Variants in TMEM87A observed in about 807,000 individuals in gnomAD.
TMEM87A encodes Golgi-pH regulating cation channel.
Under a neutral mutation model 90.0 loss-of-function variants are expected in TMEM87A, and 50 were observed. The observed-to-expected ratio is 0.56, with a 90% CI of 0.44 to 0.70. The LOEUF is 0.70. TMEM87A is among the 30% of genes least tolerant of loss of function. TMEM87A has a pLI of 0.00. For synonymous variants in TMEM87A, 226 were observed against 226.7 expected (o/e 1.00, Z 0.03); for missense variants, 577 against 660.5 (o/e 0.87, Z 1.39).
intron 19 of TMEM87A, among the ~76,000 whole-genome samples, chr15:42,215,233 C>T (rs1306257659): frequency 2.0e-5 from 3 of 152,214 alleles, no homozygotes; most frequent in African/African-American, 4.8e-5. Context: ...GGTGCGGTGG[C>T]TCACGCCTGT....
intron 3 of TMEM87A, among the ~76,000 whole-genome samples, chr15:42,265,675 T>G (rs1337068605): frequency 6.6e-6 from 1 of 152,208 alleles, no homozygotes; most frequent in Non-Finnish European, 1.5e-5. Context: ...GATAGTTTCT[T>G]TTGCTGTGCA....
At chr15:42,237,354 G>T in intron 9 of TMEM87A, 78 bp downstream of exon 9, 1 of 1,420,492 alleles carries the variant, frequency 7.0e-7, no homozygotes, top group South Asian at 1.3e-5. Context: ...CCTATGTAGT[G>T]ACTGCTGACC....
chr15:42,218,256 T>G, intron 18 of TMEM87A, 67 bp downstream of exon 18: 2 of 1,506,714 alleles, frequency 1.3e-6, no homozygotes, highest in South Asian at 1.1e-5. Flanking sequence ...ACTTGCTCAT[T>G]TAAAATAATA....
chr15:42,249,277 G>A (rs2051040133), intron 6 of TMEM87A, among the ~76,000 whole-genome samples: 1 of 152,050 alleles, frequency 6.6e-6, no homozygotes, highest in Non-Finnish European at 1.5e-5. Flanking sequence ...GTGTCTCTAT[G>A]TCCATCAGTT....
chr15:42,218,282 C>T (rs756474897), intron 18 of TMEM87A, 41 bp downstream of exon 18: 2 of 1,602,410 alleles, frequency 1.2e-6, no homozygotes, highest in South Asian at 2.2e-5. Flanking sequence ...GTAGTACTAA[C>T]TTTGAAATAG....
chr15:42,244,002 G>T, intron 7 of TMEM87A, 48 bp downstream of exon 7: 1 of 1,135,880 alleles, frequency 8.8e-7, no homozygotes. Flanking sequence ...GTACATGAAT[G>T]ACATAACCAG....
intron 19 of TMEM87A, among the ~76,000 whole-genome samples, chr15:42,216,165 T>G (rs995954795): frequency 2.6e-5 from 4 of 152,224 alleles, no homozygotes. Context: ...ATTCCACTTA[T>G]ATGAGTTATC....
rs745373740 is a variant in TMEM87A, at chr15:42,264,194, C to T, written c.301G>A (p.Val101Ile). The T allele has an allele frequency of 4.3e-6, 7 of 1,610,850 alleles. No homozygotes were observed. In the South Asian group the frequency reaches 7.7e-5, roughly 18 times the overall value. The change falls in exon 4 of 20, where the codon GTA becomes ATA. Residue 101 changes from valine to isoleucine, a missense_variant. Val to Ile is a conservative substitution (Grantham distance 29). Transcript: ENST00000389834. ...TTAAGTTTTTCCAAATACAACTCTACTTCTTCTGCCTGGAAAAAGAGATAA... is the reference window on the plus strand; with the variant it reads ...TTAAGTTTTTCCAAATACAACTCTATTTCTTCTGCCTGGAAAAAGAGATAA... ...NEIYNFKAEEVELYLEKLKEK... is the reference protein window; with the variant it reads ...NEIYNFKAEEIELYLEKLKEK...
At chr15:42,231,077 C>A in intron 12 of TMEM87A, 115 bp downstream of exon 12, 2 of 922,896 alleles carry the variant, frequency 2.2e-6, no homozygotes, top group East Asian at 5.7e-5. Context: ...GCACTGTTCC[C>A]CACACTAAGG....
intron 6 of TMEM87A, 120 bp downstream of exon 6, chr15:42,260,838 G>T: frequency 9.1e-7 from 1 of 1,096,592 alleles, no homozygotes; most frequent in Non-Finnish European, 1.3e-6. Flanking sequence ...TTGGTCTATA[G>T]CTTCCAGATT....
intron 2 of TMEM87A, among the ~76,000 whole-genome samples, chr15:42,268,528 G>A (rs962648926): frequency 2.0e-5 from 3 of 152,116 alleles, no homozygotes; most frequent in Admixed American, 6.5e-5. Context: ...AAAGCTAGGC[G>A]TGGTGGTACA....
chr15:42,234,185 T>C (rs1199500319), intron 10 of TMEM87A, among the ~76,000 whole-genome samples: 1 of 152,196 alleles, frequency 6.6e-6, no homozygotes, highest in African/African-American at 2.4e-5. Context: ...GTTCATTAAA[T>C]AGTATATTTG....
intron 6 of TMEM87A, among the ~76,000 whole-genome samples, chr15:42,257,121 G>T (rs1188298716): frequency 6.6e-6 from 1 of 152,058 alleles, no homozygotes; most frequent in Non-Finnish European, 1.5e-5. Flanking sequence ...TTTTTGTGAG[G>T]AAAGATGGAA....
chr15:42,257,582 G>A (rs2051207863), intron 6 of TMEM87A, among the ~76,000 whole-genome samples: 1 of 152,168 alleles, frequency 6.6e-6, no homozygotes. Context: ...CTTTCTTGGG[G>A]CCATAAATTG....
intron 8 of TMEM87A, among the ~76,000 whole-genome samples, chr15:42,239,143 A>G (rs2050827645): frequency 6.6e-6 from 1 of 152,110 alleles, no homozygotes; most frequent in Non-Finnish European, 1.5e-5. Context: ...TCCTGGGTTC[A>G]AGCAATTCTG....
intron 3 of TMEM87A, among the ~76,000 whole-genome samples, chr15:42,265,129 T>G (rs2051377358): frequency 6.6e-6 from 1 of 152,234 alleles, no homozygotes; most frequent in South Asian, 2.1e-4. Flanking sequence ...TTTAGGTTGA[T>G]TCCATGTCTT....
intron 15 of TMEM87A, among the ~76,000 whole-genome samples, chr15:42,222,142 C>T (rs573398408): frequency 6.6e-6 from 1 of 152,266 alleles, no homozygotes; most frequent in African/African-American, 2.4e-5. Context: ...CTCACAGCAA[C>T]CTCCCCCTCC....
intron 9 of TMEM87A, 115 bp downstream of exon 9, chr15:42,237,317 T>TA (rs1427472836): frequency 7.7e-5 from 76 of 981,670 alleles, no homozygotes; most frequent in Middle Eastern, 3.1e-4. Flanking sequence ...TAAGATATTG[T>TA]AATAATTAAG....
At chr15:42,263,144 G>A (rs190138867) in intron 4 of TMEM87A, among the ~76,000 whole-genome samples, 5 of 152,258 alleles carry the variant, frequency 3.3e-5, no homozygotes, top group South Asian at 2.1e-4. Context: ...AAAATGTGAC[G>A]TTTTAAATGT....
Sources: gnomAD v4.1 joint callset for allele counts (sites outside exome capture counted in the v4.1 genomes callset) on GRCh38, gnomAD v4.1.1 for gene constraint, MANE v1.5 for transcripts, NCBI Gene and HGNC (gene_info 2026-07-23, HGNC 2026-07-21) for gene names.